Variants in RABGAP1L observed in about 807,000 individuals in gnomAD.
RABGAP1L encodes the protein RAB GTPase activating protein 1 like, also known as rab GTPase-activating protein 1-like.
In RABGAP1L, 63 loss-of-function variants were observed where a neutral mutation model predicts 137.7. The ratio of observed to expected loss-of-function variants is 0.46; its 90% confidence interval spans 0.37 to 0.56. The LOEUF is 0.56. RABGAP1L is among the 20% of genes least tolerant of loss of function. The pLI is 0.00. For synonymous variants in RABGAP1L, 431 were observed against 433.7 expected, an observed-to-expected ratio of 0.99 and a Z score of 0.08; for missense variants, 1,095 against 1,244.0, an observed-to-expected ratio of 0.88 and a Z score of 1.80.
intron 11 of RABGAP1L, among the ~76,000 whole-genome samples, chr1:174,348,873 C>G (rs1168802885): frequency 1.3e-5 from 2 of 152,224 alleles, no homozygotes; most frequent in African/African-American, 4.8e-5. Context: ...TACACAGACA[C>G]GGCAACCATC....
chr1:174,776,695 T>G (rs575065638), intron 18 of RABGAP1L, among the ~76,000 whole-genome samples: 6 of 152,340 alleles, frequency 3.9e-5, no homozygotes, highest in African/African-American at 1.4e-4. Flanking sequence ...GCCCATCCTT[T>G]TTCCCTCCAT....
At chr1:174,717,891 G>T (rs1385815158) in intron 17 of RABGAP1L, among the ~76,000 whole-genome samples, 1 of 152,150 alleles carries the variant, frequency 6.6e-6, no homozygotes, top group Non-Finnish European at 1.5e-5. Context: ...AGTGAATCTT[G>T]AAGAACATAT....
intron 19 of RABGAP1L, among the ~76,000 whole-genome samples, chr1:174,935,982 A>G (rs12725681): frequency 9.8e-6 from 1 of 102,218 alleles, no homozygotes; most frequent in Non-Finnish European, 1.9e-5. Flanking sequence ...CCTCCATCTC[A>G]CCAAAAAAAA....
At chr1:174,328,748 C>T (rs1166426400) in intron 11 of RABGAP1L, among the ~76,000 whole-genome samples, 8 of 151,864 alleles carry the variant, frequency 5.3e-5, no homozygotes, top group Admixed American at 2.0e-4. Flanking sequence ...CCAGCCTGGG[C>T]GACAGAGCAA....
At chr1:174,459,997 T>C (rs1463233397) in intron 13 of RABGAP1L, among the ~76,000 whole-genome samples, 4 of 152,140 alleles carry the variant, frequency 2.6e-5, no homozygotes, top group Admixed American at 2.6e-4. Flanking sequence ...CTTCTGCCTT[T>C]TTCAGACCAG....
intron 9 of RABGAP1L, among the ~76,000 whole-genome samples, chr1:174,277,513 T>C (rs1319528973): frequency 6.6e-6 from 1 of 151,454 alleles, no homozygotes; most frequent in Non-Finnish European, 1.5e-5. Context: ...TAATTTATTC[T>C]ATTAAACTAT....
intron 13 of RABGAP1L, among the ~76,000 whole-genome samples, chr1:174,612,953 CTTT>C (rs1174560332): frequency 6.6e-6 from 1 of 151,464 alleles, no homozygotes; most frequent in African/African-American, 2.4e-5. Flanking sequence ...CTCTTTTCTT[CTTT>C]ATTAGTCTTG....
chr1:174,496,899 C>G (rs1017927013), intron 13 of RABGAP1L, among the ~76,000 whole-genome samples: 1 of 152,116 alleles, frequency 6.6e-6, no homozygotes, highest in Non-Finnish European at 1.5e-5. Context: ...CCTACCCACA[C>G]CCATCACTAT....
chr1:174,840,650 A>C (rs150347903), intron 19 of RABGAP1L, among the ~76,000 whole-genome samples: 1,565 of 150,720 alleles, frequency 0.01, 29 homozygotes, highest in African/African-American at 0.036. Context: ...AAAAAAAACA[A>C]AAAAAAAGAA....
intron 17 of RABGAP1L, among the ~76,000 whole-genome samples, chr1:174,724,356 T>C (rs1446559709): frequency 6.6e-6 from 1 of 152,334 alleles, no homozygotes; most frequent in Middle Eastern, 3.4e-3. Flanking sequence ...GTAATTACTT[T>C]TAAAGGCATT....
chr1:174,349,255 C>T (rs1286326313), intron 11 of RABGAP1L, among the ~76,000 whole-genome samples: 5 of 136,422 alleles, frequency 3.7e-5, no homozygotes, highest in East Asian at 2.4e-4. Context: ...CCCTCCCGGA[C>T]GGGGCGGCTG....
intron 14 of RABGAP1L, among the ~76,000 whole-genome samples, chr1:174,647,921 T>A (rs763853032): frequency 2.0e-5 from 3 of 152,156 alleles, no homozygotes; most frequent in Non-Finnish European, 4.4e-5. Flanking sequence ...GACTTCTTCC[T>A]GGTTTAGTCT....
rs145070657 is a variant in RABGAP1L at position 174,344,753 on chromosome 1, C to G, written c.1466-26226C>G. ...TAATAAGGAAAATATGTATGAAACA[C>G]TTTGTGAATTATCCACTTACCAGAA... On this transcript the variant is annotated intron_variant, in intron 11 of 25. Transcript: ENST00000681986. 1.2e-3 allele frequency among the ~76,000 whole-genome samples: 177 copies of G among 152,252 alleles called. 1 individual carries two copies. Among genetic ancestry groups the G allele is most frequent in the African/African-American group, 4.2e-3 (173 of 41,548 alleles).
intron 13 of RABGAP1L, among the ~76,000 whole-genome samples, chr1:174,568,893 G>A (rs1667764097): frequency 6.6e-6 from 1 of 152,142 alleles, no homozygotes; most frequent in African/African-American, 2.4e-5. Flanking sequence ...CAGTTAGAAG[G>A]AAATTAGTAA....
At chr1:174,921,467 A>G (rs956518400) in intron 19 of RABGAP1L, among the ~76,000 whole-genome samples, 1 of 152,204 alleles carries the variant, frequency 6.6e-6, no homozygotes, top group Non-Finnish European at 1.5e-5. Flanking sequence ...AAAGGTGTAC[A>G]ATTCTTCAAG....
chr1:174,407,539 TG>T (rs977504499), intron 13 of RABGAP1L, among the ~76,000 whole-genome samples: 4 of 152,166 alleles, frequency 2.6e-5, no homozygotes, highest in African/African-American at 9.7e-5. Flanking sequence ...ACATGTATCT[TG>T]TATTATGCAA....
intron 13 of RABGAP1L, among the ~76,000 whole-genome samples, chr1:174,480,150 T>C (rs1260332899): frequency 6.6e-6 from 1 of 152,170 alleles, no homozygotes; most frequent in Non-Finnish European, 1.5e-5. Context: ...TTCATGTCTC[T>C]GTTTTAAGGA....
At position 174,566,886 on chromosome 1, in the gene RABGAP1L, A is replaced by T. The variant is rs566651073; in HGVS notation, c.1711-70489A>T. Among the ~76,000 whole-genome samples, 8 of 152,128 alleles carry T rather than the reference A, an allele frequency of 5.3e-5. No individual in the cohort carries two copies. The East Asian group carries it at 1.5e-3, about 29-fold the overall frequency. ...AGAGTATGAAACAACTATGTAGAAA[A>T]TTTTCTAGCATCTCCCAGTCCCAGA... On this transcript the variant is annotated intron_variant, in intron 13 of 25. Transcript: ENST00000681986.
intron 13 of RABGAP1L, among the ~76,000 whole-genome samples, chr1:174,465,121 T>A (rs1466485007): frequency 6.6e-6 from 1 of 152,210 alleles, no homozygotes; most frequent in Non-Finnish European, 1.5e-5. Flanking sequence ...TGAAAACTAC[T>A]GTTATATCTG....
Sources: gnomAD v4.1 joint callset for allele counts (sites outside exome capture counted in the v4.1 genomes callset) on GRCh38, gnomAD v4.1.1 for gene constraint, MANE v1.5 for transcripts, NCBI Gene and HGNC (gene_info 2026-07-23, HGNC 2026-07-21) for gene names.